Variants in ERBB4 observed in about 807,000 individuals in gnomAD.
The protein encoded by ERBB4 is erb-b2 receptor tyrosine kinase 4, also known as receptor tyrosine-protein kinase erbB-4.
In ERBB4, 42 loss-of-function variants were observed where a neutral mutation model predicts 158.0. The ratio of observed to expected loss-of-function variants is 0.27; its 90% CI spans 0.21 to 0.34. The LOEUF is 0.34. Among genes scored for constraint, ERBB4 ranks in the 10% least tolerant of loss-of-function variants. The pLI is 1.00. For missense variants in ERBB4, 1,333 were observed against 1,624.1 expected (o/e 0.82, Z 3.08); for synonymous variants, 583 against 558.7 (o/e 1.04, Z -0.61).
chr2:211,840,078 T>C (rs2077436476), intron 3 of ERBB4, among the ~76,000 whole-genome samples: 1 of 151,518 alleles, frequency 6.6e-6, no homozygotes. Flanking sequence ...TTTGGGTGTG[T>C]ACCTACCCAA....
chr2:211,693,868 C>T (rs1198986844), intron 12 of ERBB4, among the ~76,000 whole-genome samples: 4 of 152,108 alleles, frequency 2.6e-5, no homozygotes, highest in African/African-American at 7.2e-5. Context: ...ATGGTCCTCC[C>T]CTAGCTTCTG....
chr2:211,405,793 C>A (rs1007495191), intron 25 of ERBB4, among the ~76,000 whole-genome samples: 9 of 152,144 alleles, frequency 5.9e-5, no homozygotes, highest in Non-Finnish European at 1.3e-4. Context: ...TAACTTCACT[C>A]GAGCTCTAGA....
At chr2:212,462,066 G>T (rs1688603951) in intron 1 of ERBB4, among the ~76,000 whole-genome samples, 1 of 152,046 alleles carries the variant, frequency 6.6e-6, no homozygotes, top group African/African-American at 2.4e-5. Flanking sequence ...TGTGAAAATG[G>T]ACTAATACAT....
At chr2:211,868,637 G>T (rs2078267822) in intron 3 of ERBB4, among the ~76,000 whole-genome samples, 1 of 151,894 alleles carries the variant, frequency 6.6e-6, no homozygotes, top group Non-Finnish European at 1.5e-5. Context: ...TCAACTGTTG[G>T]GTTGTTCTTT....
chr2:211,410,187 A>AGAG (rs1194572017), intron 25 of ERBB4, among the ~76,000 whole-genome samples: 27 of 152,334 alleles, frequency 1.8e-4, no homozygotes, highest in African/African-American at 6.5e-4. Context: ...CATGTCAATG[A>AGAG]GAGTGTGGGA....
At chr2:212,399,536 T>TTATACATATATATATA (rs1560213898) in intron 1 of ERBB4, among the ~76,000 whole-genome samples, 4 of 20,772 alleles carry the variant, frequency 1.9e-4, no homozygotes, top group African/African-American at 5.9e-4. Context: ...GATATATATT[T>TTATACATATATATATA]TATATATACA....
At chr2:211,889,060 G>A (rs1357083682) in intron 3 of ERBB4, among the ~76,000 whole-genome samples, 3 of 141,206 alleles carry the variant, frequency 2.1e-5, no homozygotes, top group Admixed American at 6.8e-5. Context: ...GCTCAAGAAG[G>A]CCTGCCTGCC....
At chr2:212,278,249 C>T (rs1298617211) in intron 1 of ERBB4, among the ~76,000 whole-genome samples, 4 of 151,662 alleles carry the variant, frequency 2.6e-5, no homozygotes, top group Admixed American at 2.6e-4. Context: ...TAGAAATTGC[C>T]ATAATATAAG....
chr2:211,867,243 C>T (rs1025292415), intron 3 of ERBB4, among the ~76,000 whole-genome samples: 4 of 152,088 alleles, frequency 2.6e-5, no homozygotes, highest in South Asian at 2.1e-4. Context: ...TTTACTTTTT[C>T]GGCTTTGATT....
At chr2:212,507,353 T>C (rs533894319) in intron 1 of ERBB4, among the ~76,000 whole-genome samples, 1 of 152,346 alleles carries the variant, frequency 6.6e-6, no homozygotes, top group South Asian at 2.1e-4. Flanking sequence ...CGCTCATTAC[T>C]TTGAATCAAG....
intron 3 of ERBB4, among the ~76,000 whole-genome samples, chr2:211,806,442 C>T (rs915462987): frequency 6.6e-6 from 1 of 152,054 alleles, no homozygotes; most frequent in South Asian, 2.1e-4. Context: ...TTCAAGAACC[C>T]AGTAAATTTA....
intron 3 of ERBB4, among the ~76,000 whole-genome samples, chr2:211,827,772 A>G (rs1376417652): frequency 6.6e-6 from 1 of 152,144 alleles, no homozygotes; most frequent in Admixed American, 6.6e-5. Flanking sequence ...AGACACATTC[A>G]TGATCATGCA....
chr2:211,635,141 T>C lies in ERBB4; in HGVS notation c.1947-4547A>G, dbSNP rs377407189. ...CTTTTGGCTGTCCATTAAAAATGGT[T>C]GAGACCCCCTAAAGTATAAATTTCT... On this transcript the variant is annotated intron_variant, in intron 16 of 27. Coordinates refer to ENST00000342788, the MANE Select transcript of ERBB4 (RefSeq NM_005235.3). 2.4e-3 allele frequency among the ~76,000 whole-genome samples: 360 copies of C among 152,300 alleles called. 1 individual carries two copies. The highest frequency in any genetic ancestry group is 8.3e-3 in the African/African-American group (344 of 41,562).
chr2:212,293,315 TAAA>T (rs1283623908), intron 1 of ERBB4, among the ~76,000 whole-genome samples: 3 of 151,984 alleles, frequency 2.0e-5, no homozygotes, highest in Non-Finnish European at 4.4e-5. Flanking sequence ...AATTCCATAA[TAAA>T]AATCTCATCT....
At chr2:212,186,138 G>A (rs1156341992) in intron 1 of ERBB4, among the ~76,000 whole-genome samples, 1 of 151,960 alleles carries the variant, frequency 6.6e-6, no homozygotes, top group Admixed American at 6.6e-5. Context: ...TTTTAATTAC[G>A]TTTCGACTAA....
chr2:212,313,589 T>G (rs1447574678), intron 1 of ERBB4, among the ~76,000 whole-genome samples: 1 of 150,856 alleles, frequency 6.6e-6, no homozygotes, highest in East Asian at 2.0e-4. Flanking sequence ...AAATAATAGA[T>G]GTAATTCAAT....
At chr2:211,986,246 A>T (rs1316991423) in intron 2 of ERBB4, among the ~76,000 whole-genome samples, 1 of 152,194 alleles carries the variant, frequency 6.6e-6, no homozygotes, top group Non-Finnish European at 1.5e-5. Flanking sequence ...CAGTCTTCAG[A>T]ACTGAGAGAA....
chr2:211,786,609 T>C (rs1305469959), intron 4 of ERBB4, among the ~76,000 whole-genome samples: 1 of 152,202 alleles, frequency 6.6e-6, no homozygotes, highest in Non-Finnish European at 1.5e-5. Flanking sequence ...CCCTCAGACC[T>C]TTCCTGCTCC....
At chr2:211,708,702 GT>G (rs2073552674) in intron 9 of ERBB4, among the ~76,000 whole-genome samples, 1 of 147,996 alleles carries the variant, frequency 6.8e-6, no homozygotes, top group Admixed American at 6.8e-5. Context: ...ATTTGTTAAG[GT>G]TTTACAATAT....
Sources: gnomAD v4.1 joint callset for allele counts (sites outside exome capture counted in the v4.1 genomes callset) on GRCh38, gnomAD v4.1.1 for gene constraint, MANE v1.5 for transcripts, NCBI Gene and HGNC (gene_info 2026-07-23, HGNC 2026-07-21) for gene names.